The following RSRC1 variants were observed in gnomAD, a reference collection of about 807,000 sequenced individuals.
The protein encoded by RSRC1 is serine/Arginine-related protein 53.
A neutral mutation model predicts 49.1 loss-of-function variants in RSRC1; 39 were observed. That is an observed-to-expected ratio of 0.79 (90% CI 0.61 to 1.04). RSRC1 has a LOEUF of 1.04. Ranked by LOEUF, RSRC1 falls within the 50% of genes least tolerant of loss-of-function variation. RSRC1 has a pLI of 0.00. For missense variants in RSRC1, 388 were observed against 402.4 expected (o/e 0.96, Z 0.31); for synonymous variants, 143 against 130.8 (o/e 1.09, Z -0.63).
chr3:158,519,818 G>A (rs1711558528), intron 7 of RSRC1, among the ~76,000 whole-genome samples: 1 of 152,030 alleles, frequency 6.6e-6, no homozygotes, highest in South Asian at 2.1e-4. Context: ...GCCTACAAAT[G>A]GTGTTTATAA....
At chr3:158,267,263 T>C (rs1725242150) in intron 4 of RSRC1, among the ~76,000 whole-genome samples, 1 of 152,196 alleles carries the variant, frequency 6.6e-6, no homozygotes, top group Non-Finnish European at 1.5e-5. Context: ...CTGGCCTCTT[T>C]CCAGGTTTTC....
intron 6 of RSRC1, among the ~76,000 whole-genome samples, chr3:158,427,518 A>C (rs1338151603): frequency 3.3e-5 from 5 of 151,814 alleles, no homozygotes; most frequent in Non-Finnish European, 5.9e-5. Flanking sequence ...TAAGTATAAT[A>C]ATCAGATTGA....
intron 4 of RSRC1, among the ~76,000 whole-genome samples, chr3:158,224,982 G>C (rs928186780): frequency 6.6e-6 from 1 of 151,718 alleles, no homozygotes; most frequent in Non-Finnish European, 1.5e-5. Flanking sequence ...GTAGAAATAC[G>C]GTATATTCAA....
chr3:158,299,970 A>T (rs1479650994), intron 5 of RSRC1, among the ~76,000 whole-genome samples: 2 of 152,236 alleles, frequency 1.3e-5, no homozygotes, highest in Non-Finnish European at 2.9e-5. Flanking sequence ...ATAACATTTC[A>T]TCTGAAGAAA....
chr3:158,472,452 T>C (rs1738178210), intron 7 of RSRC1, among the ~76,000 whole-genome samples: 1 of 152,110 alleles, frequency 6.6e-6, no homozygotes, highest in Non-Finnish European at 1.5e-5. Flanking sequence ...AAAATAATAC[T>C]TGTCCATTTC....
intron 3 of RSRC1, among the ~76,000 whole-genome samples, chr3:158,160,550 AT>A: frequency 6.6e-6 from 1 of 152,280 alleles, no homozygotes; most frequent in African/African-American, 2.4e-5. Flanking sequence ...AAAATTCAAG[AT>A]TTATACCAGG....
chr3:158,511,710 C>A (rs1243889195), intron 7 of RSRC1, among the ~76,000 whole-genome samples: 8 of 152,088 alleles, frequency 5.3e-5, no homozygotes, highest in East Asian at 3.9e-4. Context: ...TGACTTCCAC[C>A]ATGGTTGAAC....
intron 6 of RSRC1, among the ~76,000 whole-genome samples, chr3:158,356,886 G>T (rs1016803107): frequency 2.6e-5 from 4 of 152,022 alleles, no homozygotes; most frequent in African/African-American, 9.7e-5. Context: ...TTAGAAAATA[G>T]ATGTGATACT....
At chr3:158,472,738 A>G (rs936827732) in intron 7 of RSRC1, among the ~76,000 whole-genome samples, 1 of 152,114 alleles carries the variant, frequency 6.6e-6, no homozygotes, top group African/African-American at 2.4e-5. Flanking sequence ...GATTCTGGGT[A>G]TTAGTCCTTT....
Position 158,328,001 on chromosome 3 carries a change from T to C in RSRC1, c.532-26856T>C, listed in dbSNP as rs1559995145. Reference sequence around the variant, plus strand: ...CCATTATGTAATGGCCTTCTTTGTCTCGTTTGATGTTTTTTGGTTTAAAGT... The same window carrying C: ...CCATTATGTAATGGCCTTCTTTGTCCCGTTTGATGTTTTTTGGTTTAAAGT... On this transcript the variant is annotated intron_variant, in intron 5 of 9. Transcript: ENST00000611884. 2.6e-5 allele frequency among the ~76,000 whole-genome samples: 4 copies of C among 152,216 alleles called. No individual in the cohort carries two copies. The South Asian group carries it at 8.3e-4, about 32-fold the overall frequency.
At chr3:158,178,409 G>T (rs1329998707) in intron 3 of RSRC1, among the ~76,000 whole-genome samples, 3 of 152,158 alleles carry the variant, frequency 2.0e-5, no homozygotes, top group Non-Finnish European at 2.9e-5. Flanking sequence ...AGAGTGCTGG[G>T]ATTACAGGCA....
chr3:158,384,676 C>T (rs1473180315), intron 6 of RSRC1, among the ~76,000 whole-genome samples: 1 of 152,138 alleles, frequency 6.6e-6, no homozygotes, highest in African/African-American at 2.4e-5. Context: ...TCTGCCTCAA[C>T]AGAAACTTGG....
intron 7 of RSRC1, among the ~76,000 whole-genome samples, chr3:158,480,551 G>C (rs1738567587): frequency 6.6e-6 from 1 of 151,950 alleles, no homozygotes; most frequent in Non-Finnish European, 1.5e-5. Flanking sequence ...TGGAAATTAG[G>C]TAAATTATAA....
chr3:158,430,856 T>C (rs1173139202), intron 6 of RSRC1, among the ~76,000 whole-genome samples: 1 of 151,952 alleles, frequency 6.6e-6, no homozygotes, highest in South Asian at 2.1e-4. Flanking sequence ...CAGTGTGGAC[T>C]GAAGAGGAAT....
chr3:158,121,424 T>C (rs1383204294), intron 1 of RSRC1, among the ~76,000 whole-genome samples: 1 of 152,138 alleles, frequency 6.6e-6, no homozygotes, highest in Admixed American at 6.5e-5. Context: ...TCTACCACCT[T>C]ATAGAGATAC....
intron 5 of RSRC1, among the ~76,000 whole-genome samples, chr3:158,319,545 A>G (rs191955142): frequency 9.8e-5 from 15 of 152,338 alleles, no homozygotes; most frequent in Non-Finnish European, 1.8e-4. Context: ...AACACAATTT[A>G]AGCTCAGTGT....
chr3:158,310,124 CCTTA>C (rs1323088899), intron 5 of RSRC1, among the ~76,000 whole-genome samples: 1 of 151,420 alleles, frequency 6.6e-6, no homozygotes, highest in African/African-American at 2.4e-5. Flanking sequence ...CTTATAAATA[CCTTA>C]CTTCACTTAA....
chr3:158,416,996 T>C (rs1277369674), intron 6 of RSRC1, among the ~76,000 whole-genome samples: 5 of 152,070 alleles, frequency 3.3e-5, no homozygotes, highest in Non-Finnish European at 5.9e-5. Context: ...TCTTATAATT[T>C]TCACTGACTA....
intron 6 of RSRC1, among the ~76,000 whole-genome samples, chr3:158,444,703 C>T (rs1441449565): frequency 2.0e-5 from 3 of 152,194 alleles, no homozygotes; most frequent in Middle Eastern, 3.4e-3. Flanking sequence ...AAAGAAACTA[C>T]CATCAGAGTG....
Sources: gnomAD v4.1 joint callset for allele counts (sites outside exome capture counted in the v4.1 genomes callset) on GRCh38, gnomAD v4.1.1 for gene constraint, MANE v1.5 for transcripts, NCBI Gene and HGNC (gene_info 2026-07-23, HGNC 2026-07-21) for gene names.